Variants in DNAH9 observed in about 807,000 individuals in gnomAD.
DNAH9 encodes the protein dynein axonemal heavy chain 9.
Under a neutral mutation model 471.6 loss-of-function variants are expected in DNAH9, and 345 were observed. That is an observed-to-expected ratio of 0.73 (90% CI 0.67 to 0.80). The LOEUF (loss-of-function observed/expected upper bound fraction) is 0.80. Among genes scored for constraint, DNAH9 ranks in the 30% least tolerant of loss-of-function variants. The pLI is 0.00. For synonymous variants in DNAH9, 2,093 were observed against 2,123.6 expected (o/e 0.99, Z 0.40); for missense variants, 5,407 against 5,609.2 (o/e 0.96, Z 1.15).
intron 6 of DNAH9, among the ~76,000 whole-genome samples, chr17:11,624,776 G>T (rs1490580322): frequency 6.6e-6 from 1 of 151,978 alleles, no homozygotes; most frequent in Non-Finnish European, 1.5e-5. Context: ...TTCCTGGTTT[G>T]AGGATCCCAA....
intron 11 of DNAH9, 117 bp from the exon 12 acceptor site, chr17:11,646,955 C>G (rs2150694983): frequency 9.9e-7 from 1 of 1,014,758 alleles, no homozygotes; most frequent in East Asian, 2.6e-5. Context: ...CAGAAGCTGA[C>G]CCAGCCTGGT....
intron 28 of DNAH9, among the ~76,000 whole-genome samples, chr17:11,732,090 A>C (rs2075279677): frequency 6.6e-6 from 1 of 152,174 alleles, no homozygotes; most frequent in Non-Finnish European, 1.5e-5. Context: ...CAATGTACTA[A>C]TCAATGAGGC....
intron 32 of DNAH9, 147 bp downstream of exon 32, chr17:11,747,913 G>C (rs1304091651): frequency 7.0e-6 from 5 of 713,736 alleles, no homozygotes; most frequent in African/African-American, 3.6e-5. Context: ...CAGTAGAAAG[G>C]GAGAAACCAA....
At chr17:11,859,189 T>G (rs2158973) in intron 50 of DNAH9, among the ~76,000 whole-genome samples, 137,497 of 151,722 alleles carry the variant, frequency 0.91, 62,793 homozygotes, top group Non-Finnish European at 0.95. Context: ...GAGACAGGTG[T>G]ATCACCTGAG....
At chr17:11,784,160 T>A in intron 40 of DNAH9, 140 bp from the exon 41 acceptor site, 1 of 1,308,612 alleles carries the variant, frequency 7.6e-7, no homozygotes, top group Non-Finnish European at 1.1e-6. Context: ...TCAACCTAAA[T>A]TTGGGCATAG....
chr17:11,628,682 G>A (rs570742145), intron 6 of DNAH9, among the ~76,000 whole-genome samples: 6 of 152,144 alleles, frequency 3.9e-5, no homozygotes, highest in South Asian at 2.1e-4. Flanking sequence ...CTGTTTTTCC[G>A]TCAACATCCC....
chr17:11,598,999 A>AGGGGGG, intron 1 of DNAH9, 84 bp downstream of exon 1: 2 of 191,916 alleles, frequency 1.0e-5, no homozygotes, highest in Non-Finnish European at 1.4e-5. Context: ...GCGGGGCCAG[A>AGGGGGG]GGGGGCGGGG....
At chr17:11,640,508 T>C in intron 10 of DNAH9, 124 bp downstream of exon 10, 1 of 754,848 alleles carries the variant, frequency 1.3e-6, no homozygotes, top group Admixed American at 2.2e-5. Flanking sequence ...TTCTTTCCAT[T>C]TCCAGCAAGG....
chr17:11,650,166 A>C (rs910793496), intron 12 of DNAH9, among the ~76,000 whole-genome samples: 1 of 152,136 alleles, frequency 6.6e-6, no homozygotes, highest in African/African-American at 2.4e-5. Context: ...CATTTGTCTG[A>C]ATGCTGAGTA....
intron 17 of DNAH9, among the ~76,000 whole-genome samples, chr17:11,670,421 A>G (rs1363435411): frequency 6.6e-6 from 1 of 152,016 alleles, no homozygotes; most frequent in African/African-American, 2.4e-5. Context: ...CCACAATTAG[A>G]ATCTCGACCC....
At chr17:11,761,629 G>A (rs1967670903) in intron 35 of DNAH9, among the ~76,000 whole-genome samples, 6 of 151,758 alleles carry the variant, frequency 4.0e-5, no homozygotes, top group Admixed American at 3.3e-4. Flanking sequence ...TCTCTGCTTT[G>A]ACAAACTGGA....
intron 49 of DNAH9, among the ~76,000 whole-genome samples, chr17:11,851,782 A>G (rs567411803): frequency 6.6e-6 from 1 of 152,246 alleles, no homozygotes; most frequent in East Asian, 1.9e-4. Context: ...TGTGTACTTC[A>G]TCTAGGGTTT....
In DNAH9 at chr17:11,777,895, G is replaced by A. The variant is rs576183456; in HGVS notation, c.7553-3114G>A. Reference sequence around the variant, plus strand: ...TGAGGAAGACATTCTACTTGGAATTGTGGAAAGTTCAAATATAGTATAATG... The same window carrying A: ...TGAGGAAGACATTCTACTTGGAATTATGGAAAGTTCAAATATAGTATAATG... On this transcript the variant is annotated intron_variant, in intron 38 of 68. Transcript: ENST00000262442. Among the ~76,000 whole-genome samples, 11 of 152,234 alleles carry A rather than the reference G, an allele frequency of 7.2e-5. No homozygotes were observed. The South Asian group carries it at 1.9e-3, about 26-fold the overall frequency.
chr17:11,598,998 G>C (rs917331022), intron 1 of DNAH9, 83 bp downstream of exon 1: 6 of 1,065,182 alleles, frequency 5.6e-6, no homozygotes, highest in Non-Finnish European at 7.5e-6. Flanking sequence ...GGCGGGGCCA[G>C]AGGGGGCGGG....
rs146054467 is a variant in DNAH9 at position 11,711,097 on chromosome 17, C to T, written c.5552+5912C>T. ...CAGAAGGAAGATAGACCCTCTCTTG[C>T]CTGGCAGGTATAGCAGATTCCTTGA... On this transcript the variant is annotated intron_variant, in intron 26 of 68. Transcript: ENST00000262442. Among the ~76,000 whole-genome samples the T allele has an allele frequency of 7.6e-4, 115 of 152,312 alleles. 2 individuals are homozygous for T. Among genetic ancestry groups the T allele is most frequent in the African/African-American group, 2.7e-3 (111 of 41,574 alleles).
chr17:11,874,809 C>A, intron 52 of DNAH9, 140 bp from the exon 53 acceptor site: 2 of 650,026 alleles, frequency 3.1e-6, no homozygotes, highest in South Asian at 2.0e-5. Context: ...GAAATAATCA[C>A]ACAGCCAGAA....
intron 1 of DNAH9, among the ~76,000 whole-genome samples, chr17:11,603,514 C>T (rs1212461239): frequency 6.6e-6 from 1 of 152,174 alleles, no homozygotes; most frequent in Non-Finnish European, 1.5e-5. Context: ...CCCTCTGATG[C>T]CAACCCTAAG....
chr17:11,660,098 A>C (rs1429132238), intron 14 of DNAH9, among the ~76,000 whole-genome samples: 1 of 151,790 alleles, frequency 6.6e-6, no homozygotes, highest in Non-Finnish European at 1.5e-5. Context: ...TCTATTTTCT[A>C]GTTTATTAAT....
chr17:11,762,341 G>A (rs1466153675), intron 35 of DNAH9, among the ~76,000 whole-genome samples: 1 of 152,164 alleles, frequency 6.6e-6, no homozygotes, highest in Non-Finnish European at 1.5e-5. Context: ...AGGTGGCAAT[G>A]TGGGCTGAGT....
Sources: gnomAD v4.1 joint callset for allele counts (sites outside exome capture counted in the v4.1 genomes callset) on GRCh38, gnomAD v4.1.1 for gene constraint, MANE v1.5 for transcripts, NCBI Gene and HGNC (gene_info 2026-07-23, HGNC 2026-07-21) for gene names.